The following OTOA variants were observed in gnomAD, a reference collection of about 807,000 sequenced individuals.
OTOA encodes the protein cancer/testis antigen 108.
OTOA carries 70 observed loss-of-function variants against 110.8 expected under a neutral mutation model. That is an observed-to-expected ratio of 0.63 (90% CI 0.52 to 0.77). The LOEUF (loss-of-function observed/expected upper bound fraction) is 0.77. Among genes scored for constraint, OTOA ranks in the 30% least tolerant of loss-of-function variants. The pLI is 0.00. For synonymous variants in OTOA, 373 were observed against 431.5 expected (o/e 0.86, Z 1.68); for missense variants, 917 against 1,075.8 (o/e 0.85, Z 2.06).
intron 6 of OTOA, among the ~76,000 whole-genome samples, chr16:21,683,772 ATT>A (rs75007819): frequency 1.6e-3 from 237 of 144,056 alleles, no homozygotes; most frequent in African/African-American, 2.0e-3. Context: ...ATAATGAGTG[ATT>A]TTTTTTTTTT....
chr16:21,684,398 C>A (rs1035385543), intron 6 of OTOA: 2 of 1,489,138 alleles, frequency 1.3e-6, no homozygotes, highest in South Asian at 1.3e-5. Flanking sequence ...CTGCTCCTTG[C>A]CCTGTAGGGG....
At chr16:21,724,805 C>A (rs1898863880) in intron 18 of OTOA, among the ~76,000 whole-genome samples, 1 of 152,052 alleles carries the variant, frequency 6.6e-6, no homozygotes, top group South Asian at 2.1e-4. Flanking sequence ...GAGACAGAGT[C>A]TCCCTCTGTC....
chr16:21,681,854 C>G, intron 6 of OTOA, 29 bp downstream of exon 6: 1 of 1,589,710 alleles, frequency 6.3e-7, no homozygotes, highest in Non-Finnish European at 8.6e-7. Flanking sequence ...TCTATATGTT[C>G]CCATCTCAGT....
At chr16:21,723,512 G>A (rs904736788) in intron 18 of OTOA, among the ~76,000 whole-genome samples, 1 of 151,538 alleles carries the variant, frequency 6.6e-6, no homozygotes, top group Non-Finnish European at 1.5e-5. Flanking sequence ...TTTTCTATCT[G>A]AAGATTTAGA....
At chr16:21,759,428 T>A (rs1900097430) in intron 28 of OTOA, among the ~76,000 whole-genome samples, 1 of 152,078 alleles carries the variant, frequency 6.6e-6, no homozygotes. Flanking sequence ...ATGCCGTAAC[T>A]GTATTCAACC....
chr16:21,757,453 A>T (rs1262525432), intron 28 of OTOA, among the ~76,000 whole-genome samples, 176 bp downstream of exon 28: 3 of 152,314 alleles, frequency 2.0e-5, no homozygotes, highest in Non-Finnish European at 2.9e-5. Flanking sequence ...ACCAAGCTTC[A>T]GAATTAGTGA....
chr16:21,709,269 T>TA (rs1898283188), intron 12 of OTOA, among the ~76,000 whole-genome samples: 1 of 152,018 alleles, frequency 6.6e-6, no homozygotes, highest in Non-Finnish European at 1.5e-5. Context: ...CTGTCTCTAC[T>TA]AAAAATACAA....
chr16:21,678,407 C>CATATATAT, intron 1 of OTOA, 104 bp from the exon 2 acceptor site: 1 of 649,244 alleles, frequency 1.5e-6, no homozygotes, highest in Non-Finnish European at 2.4e-6. Context: ...TCTGAATGTC[C>CATATATAT]ATATATATAT....
At chr16:21,666,243 A>ATTTTTT (rs61085785) in intron 1 of OTOA, among the ~76,000 whole-genome samples, 9,153 of 128,286 alleles carry the variant, frequency 0.071, 490 homozygotes, top group East Asian at 0.25. Flanking sequence ...ATGAAATGGC[A>ATTTTTT]TTTTTTTTTT....
rs1254434273 is a variant in OTOA, at chr16:21,751,977, A to G, written c.2818A>G (p.Ser940Gly). ...LQGYLDDSGY[S>G]IQDLKSFHLV... ...AGGGTACCTGGATGATTCAGGATAC[A>G]GTATCCAGGACCTGAAGAGCTTTCA... The change falls in exon 25 of 29, where the codon AGT (serine) becomes GGT (glycine). Residue 940 changes from serine to glycine, a missense_variant. By Grantham distance (56) the Ser-to-Gly change is moderately conservative. This residue lies in a region of OTOA where 57 missense variants were observed against 59.7 expected (regional missense o/e 0.96). Coordinates refer to ENST00000646100, the MANE Select transcript of OTOA (RefSeq NM_144672.4). 8 of 377,966 alleles carry G rather than the reference A, an allele frequency of 2.1e-5. 1 individual carries two copies. Among genetic ancestry groups the G allele is most frequent in the Non-Finnish European group, 3.9e-5 (8 of 206,796 alleles). 23.4% of individuals were successfully genotyped at this position (377,966 alleles called of 1,614,324 possible).
At chr16:21,671,671 C>T (rs1026347843) in intron 1 of OTOA, among the ~76,000 whole-genome samples, 5 of 151,098 alleles carry the variant, frequency 3.3e-5, no homozygotes, top group Non-Finnish European at 5.9e-5. Context: ...GTGGCGGAGA[C>T]GTGATTCAGA....
chr16:21,731,045 G>A lies in OTOA; in HGVS notation c.2301+115G>A. 1.1e-5 allele frequency: 7 copies of A among 625,588 alleles called. No homozygotes were observed. In the South Asian group the frequency reaches 1.2e-4, roughly 11 times the overall value. The allele number at this position is 625,588 out of a possible 1,614,324, so 38.8% of individuals were successfully genotyped here. On this transcript the variant is annotated intron_variant, in intron 21 of 28. Coordinates refer to ENST00000646100, the MANE Select transcript of OTOA (RefSeq NM_144672.4). ...CTATGGTTCTGGAAGCTTCCTCCCT[G>A]CCTCCAAGGGCTAAGATGTTTCCAG...
chr16:21,696,205 T>A (rs2141670987), intron 9 of OTOA, among the ~76,000 whole-genome samples: 1 of 152,108 alleles, frequency 6.6e-6, no homozygotes, highest in East Asian at 1.9e-4. Flanking sequence ...CTTGATGGTT[T>A]TTAAAATTCC....
At position 21,728,384 on chromosome 16, in the gene OTOA, C is replaced by A. The variant is rs1313592548; in HGVS notation, c.2160C>A (p.Asn720Lys). Residue 720 changes from asparagine to lysine, a missense_variant, in exon 20 of 29, where the codon AAC (asparagine) becomes AAA (lysine). Around this residue, in one of 6 missense-constraint regions of OTOA, gnomAD observed 840 missense variants for 910.2 expected, o/e 0.92. Transcript: ENST00000646100. ...GCCTCAGAGACTGCCCAGACCTCAA[C>A]CCTGAGCAAAAGGCTGCAGTGAGGC... ...LHGLRDCPDL[N>K]PEQKAAVRLK... is the part of the protein sequence containing the mutation. 6.2e-7 allele frequency: 1 copy of A among 1,614,028 alleles called. No homozygotes were observed. The highest frequency in any genetic ancestry group is 1.3e-5 in the African/African-American group (1 of 74,918).
In OTOA at chr16:21,717,029, G is replaced by A. The variant is rs769910976; in HGVS notation, c.1611G>A (p.Lys537=). Residue 537 remains lysine (K), a synonymous_variant, in exon 15 of 29, where the codon AAG becomes AAA. Transcript: ENST00000646100. ...PGFNSTVLKD[K]ELGRSQALFL... ...TCAACTCTACAGTCCTGAAGGATAA[G>A]GAACTTGGAAGGAGCCAGGTATTAC... 3 of 1,614,100 alleles carry A rather than the reference G, an allele frequency of 1.9e-6. No homozygotes were observed. The highest frequency in any genetic ancestry group is 2.5e-6 in the Non-Finnish European group (3 of 1,180,016).
chr16:21,684,671 C>T (rs1966968407), intron 6 of OTOA: 1 of 605,296 alleles, frequency 1.7e-6, no homozygotes, highest in Admixed American at 3.3e-5. Flanking sequence ...GTTGCCAAAC[C>T]TTTACTTTTT....
At chr16:21,721,725 T>C (rs1225617403) in intron 17 of OTOA, among the ~76,000 whole-genome samples, 1 of 151,952 alleles carries the variant, frequency 6.6e-6, no homozygotes, top group Non-Finnish European at 1.5e-5. Context: ...ACTCTAACTC[T>C]ACAAAAAAAT....
In OTOA at chr16:21,722,906, T is replaced by A; in HGVS notation, c.1808T>A (p.Val603Asp). 6.2e-7 allele frequency: 1 copy of A among 1,614,034 alleles called. No individual in the cohort carries two copies. The highest frequency in any genetic ancestry group is 8.5e-7 in the Non-Finnish European group (1 of 1,179,902). The change falls in exon 18 of 29, where the codon GTT becomes GAT. Residue 603 changes from valine (V) to aspartate (D), a missense_variant and splice_region_variant. Val to Asp is a radical substitution (Grantham distance 152). Coordinates refer to ENST00000646100, the MANE Select transcript of OTOA (RefSeq NM_144672.4). Reference sequence around the variant, plus strand: ...CCCCAGAACTGCTTAATCTTTCAGGTTAATTGTTTGGCGTGGAAATACTGG... The same window carrying A: ...CCCCAGAACTGCTTAATCTTTCAGGATAATTGTTTGGCGTGGAAATACTGG... ...NNFALLSPYQ[V>D]NCLAWKYWEV... is the part of the protein sequence containing the mutation.
chr16:21,684,125 A>G (rs1180477692), intron 6 of OTOA, among the ~76,000 whole-genome samples: 1 of 151,464 alleles, frequency 6.6e-6, no homozygotes, highest in African/African-American at 2.4e-5. Flanking sequence ...ACATACTTAT[A>G]CTAAAAAAAA....
Sources: gnomAD v4.1 joint callset for allele counts (sites outside exome capture counted in the v4.1 genomes callset) on GRCh38, gnomAD v4.1.1 for gene constraint, gnomAD v4.1.1 regional missense constraint, MANE v1.5 for transcripts, NCBI Gene and HGNC (gene_info 2026-07-23, HGNC 2026-07-21) for gene names.